The following KIF6 variants were observed in gnomAD, a reference collection of about 807,000 sequenced individuals.
KIF6 encodes kinesin family member 6, also known as kinesin-like protein KIF6.
A neutral mutation model predicts 112.7 loss-of-function variants in KIF6; 106 were observed. That is an observed-to-expected ratio of 0.94 (90% CI 0.80 to 1.11). The LOEUF (loss-of-function observed/expected upper bound fraction) is 1.11, where lower values mean the gene tolerates loss of function less well. Ranked by LOEUF, KIF6 falls within the 50% of genes least tolerant of loss-of-function variation. The pLI is 0.00. For synonymous variants in KIF6, 339 were observed against 339.9 expected (o/e 1.00, Z 0.03); for missense variants, 929 against 964.0 (o/e 0.96, Z 0.48).
At chr6:39,564,715 C>T (rs775125861) in intron 10 of KIF6, among the ~76,000 whole-genome samples, 7 of 152,116 alleles carry the variant, frequency 4.6e-5, no homozygotes, top group Non-Finnish European at 7.4e-5. Context: ...ATGTATACTG[C>T]GAACACAAAT....
At chr6:39,526,203 TA>T (rs1180556061) in intron 13 of KIF6, among the ~76,000 whole-genome samples, 2 of 152,222 alleles carry the variant, frequency 1.3e-5, no homozygotes, top group Non-Finnish European at 2.9e-5. Context: ...TGGACAATTT[TA>T]ATATCCATAG....
intron 12 of KIF6, among the ~76,000 whole-genome samples, chr6:39,542,937 G>A (rs938376481): frequency 1.4e-4 from 22 of 152,198 alleles, no homozygotes; most frequent in African/African-American, 5.3e-4. Flanking sequence ...GAATAAGAGT[G>A]TCAGATGGAG....
In KIF6 at chr6:39,679,503, A is replaced by C. The variant is rs1353089330; in HGVS notation, c.251+35189T>G. Among the ~76,000 whole-genome samples the C allele has an allele frequency of 2.6e-5, 4 of 152,160 alleles. No homozygotes were observed. The South Asian group carries it at 8.3e-4, about 32-fold the overall frequency. On this transcript the variant is annotated intron_variant, in intron 3 of 22. Transcript: ENST00000287152. ...TTCTGAAATTCCCTTTGGCTTTTGA[A>C]CATGTCATTCTCTCTCCATGGAATG...
chr6:39,571,914 G>GTT (rs1304193245), intron 10 of KIF6, among the ~76,000 whole-genome samples: 1 of 66,730 alleles, frequency 1.5e-5, no homozygotes, highest in Non-Finnish European at 2.7e-5. Context: ...CAGAATCTTT[G>GTT]TTAGAAGGGT....
chr6:39,402,416 C>T (rs1031583699), intron 15 of KIF6, among the ~76,000 whole-genome samples: 4 of 152,110 alleles, frequency 2.6e-5, no homozygotes, highest in African/African-American at 9.7e-5. Context: ...CAGGGAGAGA[C>T]ATTTCTGGCT....
At chr6:39,501,224 C>T (rs1273747299) in intron 13 of KIF6, among the ~76,000 whole-genome samples, 2 of 152,064 alleles carry the variant, frequency 1.3e-5, no homozygotes, top group African/African-American at 4.8e-5. Flanking sequence ...AGCAGACTCC[C>T]AGCAAACCAC....
chr6:39,582,570 C>G (rs759986554), intron 9 of KIF6, among the ~76,000 whole-genome samples: 40 of 152,012 alleles, frequency 2.6e-4, no homozygotes, highest in Admixed American at 8.5e-4. Flanking sequence ...TACCTCCACG[C>G]CCGGCTAATT....
intron 3 of KIF6, among the ~76,000 whole-genome samples, chr6:39,666,535 A>G (rs1245488853): frequency 6.6e-6 from 1 of 152,238 alleles, no homozygotes; most frequent in African/African-American, 2.4e-5. Context: ...TATATACGTA[A>G]GAACTCTATC....
chr6:39,405,783 G>A lies in KIF6; in HGVS notation c.1810+14165C>T, dbSNP rs114583129. On this transcript the variant is annotated intron_variant, in intron 15 of 22. Coordinates refer to ENST00000287152, the MANE Select transcript of KIF6 (RefSeq NM_145027.6). ...GGTGTTATTTCTTTTTAAAATGTTTGGTAGAATACTACAATGAAACTCTCT... is the reference window on the plus strand; with the variant it reads ...GGTGTTATTTCTTTTTAAAATGTTTAGTAGAATACTACAATGAAACTCTCT... Among the ~76,000 whole-genome samples the A allele has an allele frequency of 2.8e-3, 420 of 152,188 alleles. 1 individual carries two copies. The highest frequency in any genetic ancestry group is 9.3e-3 in the African/African-American group (385 of 41,534).
At position 39,613,243 on chromosome 6, in the gene KIF6, C is replaced by A. The variant is rs759240960; in HGVS notation, c.585G>T (p.Glu195Asp). 3 of 1,606,090 alleles carry A rather than the reference C, an allele frequency of 1.9e-6. No homozygotes were observed. The African/African-American group carries it at 4.0e-5, about 22-fold the overall frequency. The change falls in exon 6 of 23, where the codon GAG becomes GAT. Residue 195 changes from glutamate (E) to aspartate (D), a missense_variant. Glu to Asp is a conservative substitution (Grantham distance 45). Around this residue, in one of 2 missense-constraint regions of KIF6, gnomAD observed 688 missense variants for 662.7 expected, o/e 1.04. Transcript: ENST00000287152. ...KNLTLHQATTEEEALNLLFLG... is the reference protein window; with the variant it reads ...KNLTLHQATTDEEALNLLFLG... ...AAAAAAGCAAATTCAGAGCTTCTTC[C>A]TCTGTGGTTGCCTGATGGAGAGTCA...
intron 13 of KIF6, among the ~76,000 whole-genome samples, chr6:39,472,598 C>T (rs549659473): frequency 4.6e-5 from 7 of 152,312 alleles, no homozygotes; most frequent in Non-Finnish European, 7.4e-5. Context: ...ACCTCCTCCT[C>T]TCTCCCCCTT....
chr6:39,625,105 C>G (rs1050162794), intron 5 of KIF6, among the ~76,000 whole-genome samples: 1 of 152,180 alleles, frequency 6.6e-6, no homozygotes, highest in African/African-American at 2.4e-5. Flanking sequence ...GAGCCCTCAC[C>G]AGACACCAAA....
chr6:39,686,059 C>A (rs535276399), intron 3 of KIF6, among the ~76,000 whole-genome samples: 11 of 152,040 alleles, frequency 7.2e-5, no homozygotes, highest in Non-Finnish European at 1.5e-4. Flanking sequence ...CATCTCTGTA[C>A]GTAAATATAT....
At chr6:39,484,120 T>A (rs1342307692) in intron 13 of KIF6, among the ~76,000 whole-genome samples, 2 of 152,188 alleles carry the variant, frequency 1.3e-5, no homozygotes, top group African/African-American at 4.8e-5. Context: ...TCACTCTGCA[T>A]TCGCTACATA....
At chr6:39,456,009 A>G (rs1303544105) in intron 13 of KIF6, among the ~76,000 whole-genome samples, 135 of 80,426 alleles carry the variant, frequency 1.7e-3, no homozygotes, top group African/African-American at 5.1e-3. Flanking sequence ...AGATTCAGGA[A>G]ATACAGAGAA....
At chr6:39,701,478 T>A (rs929112758) in intron 3 of KIF6, among the ~76,000 whole-genome samples, 1 of 152,266 alleles carries the variant, frequency 6.6e-6, no homozygotes, top group Non-Finnish European at 1.5e-5. Flanking sequence ...CACAAACTGC[T>A]GCTGGAGCAT....
In KIF6 at chr6:39,362,478, C is replaced by T; in HGVS notation, c.1902G>A (p.Gln634=). Residue 634 remains glutamine (Q), a synonymous_variant, in exon 17 of 23, where the codon CAG becomes CAA. Coordinates refer to ENST00000287152, the MANE Select transcript of KIF6 (RefSeq NM_145027.6). ...ENMAVPLMPD[Q]QEEKLRSQLE... is the part of the protein sequence containing the mutation. ...GTTGTGATCGCAGCTTCTCCTCCTG[C>T]TGGTCTGGCATCAGAGGCACGGCCA... The T allele has an allele frequency of 6.2e-7, 1 of 1,614,140 alleles. No individual in the cohort carries two copies. Among genetic ancestry groups the T allele is most frequent in the African/African-American group, 1.3e-5 (1 of 75,042 alleles).
At chr6:39,443,344 A>T (rs1318771885) in intron 13 of KIF6, among the ~76,000 whole-genome samples, 1 of 151,798 alleles carries the variant, frequency 6.6e-6, no homozygotes, top group Non-Finnish European at 1.5e-5. Flanking sequence ...AGCATTGTTA[A>T]CGTGTCCTGT....
intron 22 of KIF6, 46 bp from the exon 23 acceptor site, chr6:39,336,594 A>T (rs1196132513): frequency 1.3e-6 from 2 of 1,599,664 alleles, no homozygotes; most frequent in Admixed American, 3.3e-5. Flanking sequence ...GCATGCAGAC[A>T]CTGACTTTTC....
Sources: allele counts gnomAD v4.1 joint callset (sites outside exome capture counted in the v4.1 genomes callset), GRCh38; gene constraint gnomAD v4.1.1; regional missense constraint gnomAD v4.1.1; transcripts MANE v1.5; gene names NCBI Gene and HGNC (gene_info 2026-07-23, HGNC 2026-07-21).